Variants in SLC14A2 observed in about 807,000 individuals in gnomAD.
SLC14A2 encodes the protein urea transporter 2.
In SLC14A2, 91 loss-of-function variants were observed where a neutral mutation model predicts 104.6. That is an observed-to-expected ratio of 0.87 (90% CI 0.73 to 1.04). The LOEUF (loss-of-function observed/expected upper bound fraction) is 1.04. Ranked by LOEUF, SLC14A2 falls within the 50% of genes least tolerant of loss-of-function variation. The probability of loss-of-function intolerance (pLI) is 0.00; values close to 1 mark genes in which losing one functional copy is unlikely to be tolerated. For synonymous variants in SLC14A2, 476 were observed against 466.4 expected (o/e 1.02, Z -0.27); for missense variants, 1,189 against 1,156.0 (o/e 1.03, Z -0.41).
intron 2 of SLC14A2, among the ~76,000 whole-genome samples, chr18:45,504,471 G>T (rs1357816715): frequency 1.3e-5 from 2 of 152,204 alleles, no homozygotes; most frequent in Non-Finnish European, 2.9e-5. Flanking sequence ...CTGTGGGTTT[G>T]TCTGCATAAC....
intron 1 of SLC14A2, among the ~76,000 whole-genome samples, chr18:45,407,909 C>T (rs536448645): frequency 3.9e-5 from 6 of 152,160 alleles, no homozygotes; most frequent in South Asian, 4.2e-4. Context: ...ATCACCATAA[C>T]AGATATAATG....
intron 2 of SLC14A2, among the ~76,000 whole-genome samples, chr18:45,551,246 AT>A (rs569440890): frequency 3.9e-5 from 6 of 152,156 alleles, no homozygotes; most frequent in Non-Finnish European, 7.3e-5. Flanking sequence ...CTCCAGATGG[AT>A]TTTAAACACA....
chr18:45,619,746 C>T (rs1024064232), intron 1 of SLC14A2, among the ~76,000 whole-genome samples: 2 of 152,128 alleles, frequency 1.3e-5, no homozygotes, highest in African/African-American at 4.8e-5. Flanking sequence ...TAACAAGTGG[C>T]GACGCCTTAT....
chr18:45,376,300 C>T (rs1047459719), intron 1 of SLC14A2, among the ~76,000 whole-genome samples: 1 of 152,138 alleles, frequency 6.6e-6, no homozygotes, highest in Admixed American at 6.6e-5. Flanking sequence ...GAGCACCTTG[C>T]ACAGTGTCTG....
chr18:45,257,096 C>T (rs775400766), intron 1 of SLC14A2, among the ~76,000 whole-genome samples: 6 of 152,234 alleles, frequency 3.9e-5, no homozygotes, highest in Non-Finnish European at 8.8e-5. Context: ...CCTGATGCCT[C>T]TACCATGTTC....
chr18:45,491,945 A>T (rs2043009669), intron 2 of SLC14A2: 1 of 152,240 alleles, frequency 6.6e-6, no homozygotes, highest in Non-Finnish European at 1.5e-5. Context: ...TATGGTAGGA[A>T]CATGTTTCTC....
chr18:45,621,806 G>A (rs2045175566), intron 1 of SLC14A2, among the ~76,000 whole-genome samples: 1 of 152,208 alleles, frequency 6.6e-6, no homozygotes, highest in African/African-American at 2.4e-5. Context: ...AGGAGAACAT[G>A]GTGGGTGGAT....
chr18:45,396,849 G>A (rs1226924475), intron 1 of SLC14A2, among the ~76,000 whole-genome samples: 2 of 151,734 alleles, frequency 1.3e-5, no homozygotes, highest in African/African-American at 4.8e-5. Context: ...AGACCCCAGA[G>A]TCTGTTGTTC....
intron 10 of SLC14A2, among the ~76,000 whole-genome samples, chr18:45,663,026 CATA>C (rs1367767204): frequency 1.3e-5 from 2 of 152,178 alleles, no homozygotes; most frequent in Middle Eastern, 3.2e-3. Context: ...GAAAACTGAA[CATA>C]ATAAGGTACA....
chr18:45,561,874 T>C (rs1327036933), intron 2 of SLC14A2, among the ~76,000 whole-genome samples: 3 of 152,052 alleles, frequency 2.0e-5, no homozygotes, highest in African/African-American at 4.8e-5. Context: ...ACATTTCTAT[T>C]TGGGGATCTA....
At chr18:45,181,177 C>T in the SLC14A2 span, 1 of 152,478 alleles carries the variant, frequency 6.6e-6, no homozygotes, top group Non-Finnish European at 1.5e-5. Context: ...TCCTCTCCTC[C>T]ACAGGACTTG....
intron 2 of SLC14A2, among the ~76,000 whole-genome samples, chr18:45,555,365 A>T (rs965472236): frequency 6.6e-6 from 1 of 152,236 alleles, no homozygotes; most frequent in Non-Finnish European, 1.5e-5. Context: ...ATGGTATAAA[A>T]GTGATACACA....
At chr18:45,604,966 T>C (rs2044844922) in intron 2 of SLC14A2, among the ~76,000 whole-genome samples, 1 of 152,226 alleles carries the variant, frequency 6.6e-6, no homozygotes, top group South Asian at 2.1e-4. Flanking sequence ...TCTATTAGTC[T>C]TCTTTGCAAG....
At chr18:45,273,015 A>G (rs1465871994) in intron 1 of SLC14A2, among the ~76,000 whole-genome samples, 2 of 152,144 alleles carry the variant, frequency 1.3e-5, no homozygotes, top group African/African-American at 4.8e-5. Flanking sequence ...AATTGCAAAT[A>G]TCGGAATAAT....
intron 1 of SLC14A2, among the ~76,000 whole-genome samples, chr18:45,391,476 T>G (rs2085963635): frequency 6.6e-6 from 1 of 152,216 alleles, no homozygotes; most frequent in South Asian, 2.1e-4. Flanking sequence ...GTATTTCTAG[T>G]TCTAGATCCC....
chr18:45,184,829 CA>C, the SLC14A2 span, among the ~76,000 whole-genome samples: 1 of 152,160 alleles, frequency 6.6e-6, no homozygotes, highest in African/African-American at 2.4e-5. Context: ...TGACTTCATC[CA>C]GTGGGCTCAG....
At chr18:45,498,300 C>T (rs776199692) in intron 2 of SLC14A2, among the ~76,000 whole-genome samples, 3 of 152,212 alleles carry the variant, frequency 2.0e-5, no homozygotes, top group Non-Finnish European at 4.4e-5. Flanking sequence ...CTACTGAAAT[C>T]ACCCTCAGAA....
chr18:45,380,283 GC>G (rs1335893570), intron 1 of SLC14A2, among the ~76,000 whole-genome samples: 1 of 152,164 alleles, frequency 6.6e-6, no homozygotes, highest in Non-Finnish European at 1.5e-5. Flanking sequence ...ATGCCCACTA[GC>G]CAAAGACCAT....
intron 1 of SLC14A2, among the ~76,000 whole-genome samples, chr18:45,423,006 A>G (rs1368219648): frequency 6.6e-6 from 1 of 152,210 alleles, no homozygotes; most frequent in Non-Finnish European, 1.5e-5. Flanking sequence ...CGTTAAGGAC[A>G]GGAGCCCCTC....
Sources: allele counts gnomAD v4.1 joint callset (sites outside exome capture counted in the v4.1 genomes callset), GRCh38; gene constraint gnomAD v4.1.1; transcripts MANE v1.5; gene names NCBI Gene and HGNC (gene_info 2026-07-23, HGNC 2026-07-21).